Variants in MYH16 observed in about 807,000 individuals in gnomAD.
The protein encoded by MYH16 is myosin heavy chain 16.
chr7:99,288,811 T>C (rs1792324785), intron 29 of MYH16, among the ~76,000 whole-genome samples: 1 of 150,102 alleles, frequency 6.7e-6, no homozygotes, highest in Non-Finnish European at 1.5e-5. Context: ...CAATAGTCTC[T>C]GGCACATAAG....
chr7:99,251,103 G>A (rs970532007), exon 6 of MYH16: 29 of 215,382 alleles, frequency 1.3e-4, no homozygotes, highest in African/African-American at 2.3e-5. Flanking sequence ...GGGGTCTCTG[G>A]AGGATCAAGT....
chr7:99,265,140 C>T (rs563426681), exon 16 of MYH16: 8 of 152,772 alleles, frequency 5.2e-5, no homozygotes, highest in Non-Finnish European at 8.8e-5. Context: ...CCTCCATAGC[C>T]GCACCCCATT....
intron 23 of MYH16, among the ~76,000 whole-genome samples, chr7:99,281,773 C>T (rs1244640803): frequency 3.9e-5 from 6 of 152,180 alleles, no homozygotes; most frequent in African/African-American, 1.2e-4. Flanking sequence ...CCCACTGTCA[C>T]GGCTAAGGTT....
intron 23 of MYH16, among the ~76,000 whole-genome samples, chr7:99,282,370 A>C (rs1425766127): frequency 2.0e-5 from 3 of 152,168 alleles, no homozygotes; most frequent in African/African-American, 7.2e-5. Flanking sequence ...CACTGAATTA[A>C]CCAATAATAA....
At chr7:99,279,485 C>T (rs1333570317) in intron 21 of MYH16, 25 bp from the exon 4 acceptor site, 11 of 455,824 alleles carry the variant, frequency 2.4e-5, no homozygotes, top group Non-Finnish European at 4.4e-5. Flanking sequence ...ACCCTGTCCT[C>T]GACCGGGGCT....
chr7:99,305,216 A>G (rs2150839754), intron 40 of MYH16, among the ~76,000 whole-genome samples: 1 of 152,008 alleles, frequency 6.6e-6, no homozygotes, highest in Middle Eastern at 3.4e-3. Flanking sequence ...AAGGAAAGAA[A>G]GAAAGAAGGA....
intron 20 of MYH16, 105 bp from the exon 3 acceptor site, chr7:99,277,434 A>G (rs1792129819): frequency 2.8e-6 from 1 of 361,904 alleles, no homozygotes; most frequent in Non-Finnish European, 5.5e-6. Flanking sequence ...TTCCCACCAC[A>G]GTGGTGCTGT....
At chr7:99,246,126 A>T (rs1419164381) in intron 2 of MYH16, among the ~76,000 whole-genome samples, 2 of 151,466 alleles carry the variant, frequency 1.3e-5, no homozygotes, top group African/African-American at 4.9e-5. Context: ...GAATCGCTTG[A>T]GCCCAGGAGT....
intron 18 of MYH16, among the ~76,000 whole-genome samples, chr7:99,269,865 CTTTTTTTTTTTT>C (rs983455403): frequency 1.9e-5 from 2 of 107,702 alleles, no homozygotes; most frequent in Non-Finnish European, 3.6e-5. Flanking sequence ...TCTGGGGACA[CTTTTTTTTTTTT>C]TTTTTTTTTT....
At chr7:99,273,165 C>T (rs1294582866) in intron 19 of MYH16, among the ~76,000 whole-genome samples, 88 bp downstream of exon 1, 2 of 152,188 alleles carry the variant, frequency 1.3e-5, no homozygotes, top group Non-Finnish European at 2.9e-5. Context: ...AGCTCTGACC[C>T]CAACGTGAGT....
Position 99,290,504 on chromosome 7 carries a change from A to AAG in MYH16, n.3825-818_3825-817insGA, listed in dbSNP as rs1554338813. ...CCTGTCTCAAAAAAAAAAAAAAAAAAAAAATCAATATCCAGCCGTGTGCAG... is the reference window on the plus strand; with the variant it reads ...CCTGTCTCAAAAAAAAAAAAAAAAAAAGAAAATCAATATCCAGCCGTGTGCAG... On this transcript the variant is annotated intron_variant and non_coding_transcript_variant, in intron 30 of 41. Coordinates refer to ENST00000439784, the Ensembl canonical transcript of MYH16. Among the ~76,000 whole-genome samples the AAG allele has an allele frequency of 6.2e-4, 90 of 144,942 alleles. 1 individual carries two copies. The highest frequency in any genetic ancestry group is 1.7e-3 in the African/African-American group (65 of 37,920).
intron 32 of MYH16, 29 bp from the exon 14 acceptor site, chr7:99,293,989 T>C: frequency 2.3e-6 from 1 of 436,882 alleles, no homozygotes; most frequent in Non-Finnish European, 4.6e-6. Flanking sequence ...CTATGTTTCC[T>C]TGACAGCCCC....
At position 99,288,147 on chromosome 7, in the gene MYH16, C is replaced by G; in HGVS notation, n.3706+10C>G. The G allele has an allele frequency of 2.2e-6, 1 of 455,920 alleles. No homozygotes were observed. The highest frequency in any genetic ancestry group is 4.4e-6 in the Non-Finnish European group (1 of 226,562). 28.2% of individuals were successfully genotyped at this position (455,920 alleles called of 1,614,324 possible). On this transcript the variant is annotated intron_variant and non_coding_transcript_variant, in intron 29 of 41. Transcript: ENST00000439784. ...GATACAGAAGTCCAAGGTGAATAACCTAACTGTGGGCCGGACGCAGTGGCT... is the reference window on the plus strand; with the variant it reads ...GATACAGAAGTCCAAGGTGAATAACGTAACTGTGGGCCGGACGCAGTGGCT...
At chr7:99,272,202 T>C (rs1197441974) in intron 19 of MYH16, among the ~76,000 whole-genome samples, 1 of 152,148 alleles carries the variant, frequency 6.6e-6, no homozygotes, top group African/African-American at 2.4e-5. Context: ...ATATAAACCC[T>C]CTCTTTATAG....
At chr7:99,240,546 TTTC>T in intron 1 of MYH16, among the ~76,000 whole-genome samples, 1 of 152,214 alleles carries the variant, frequency 6.6e-6, no homozygotes, top group Admixed American at 6.5e-5. Context: ...TCCTGGTTAA[TTTC>T]TTGATTAAAA....
In MYH16 at chr7:99,256,115, C is replaced by A. The variant is rs1791869347; in HGVS notation, n.996+430C>A. ...GATTCCTGATTTATCTTTGCCTTCCCCTCACCTAGTACCTGGCATGAAGCC... is the reference window on the plus strand; with the variant it reads ...GATTCCTGATTTATCTTTGCCTTCCACTCACCTAGTACCTGGCATGAAGCC... On this transcript the variant is annotated intron_variant and non_coding_transcript_variant, in intron 9 of 41. Coordinates refer to ENST00000439784, the Ensembl canonical transcript of MYH16. 2.0e-5 allele frequency among the ~76,000 whole-genome samples: 3 copies of A among 151,884 alleles called. No individual in the cohort carries two copies. The South Asian group carries it at 6.2e-4, about 32-fold the overall frequency.
At chr7:99,240,608 T>C (rs1791656105) in intron 1 of MYH16, among the ~76,000 whole-genome samples, 1 of 152,140 alleles carries the variant, frequency 6.6e-6, no homozygotes, top group South Asian at 2.1e-4. Flanking sequence ...CCCAGCACTT[T>C]GGGAGGCCGA....
intron 36 of MYH16, among the ~76,000 whole-genome samples, 192 bp downstream of exon 17, chr7:99,298,187 C>G (rs866505774): frequency 2.6e-5 from 4 of 151,496 alleles, no homozygotes; most frequent in Non-Finnish European, 4.4e-5. Flanking sequence ...TTTATGAACA[C>G]TTTGTTTTTT....
intron 19 of MYH16, among the ~76,000 whole-genome samples, chr7:99,272,511 G>A (rs1254535913): frequency 6.6e-6 from 1 of 152,062 alleles, no homozygotes; most frequent in Non-Finnish European, 1.5e-5. Context: ...GCCAAGGTGG[G>A]AGATCACTTG....
Sources: allele counts gnomAD v4.1 joint callset (sites outside exome capture counted in the v4.1 genomes callset), GRCh38; gene constraint gnomAD v4.1.1; transcripts MANE v1.5; gene names NCBI Gene and HGNC (gene_info 2026-07-23, HGNC 2026-07-21).